The following ZNF441 variants were observed in gnomAD, a reference collection of about 807,000 sequenced individuals.
The protein encoded by ZNF441 is zinc finger protein 441.
ZNF441 carries 25 observed loss-of-function variants against 64.5 expected under a neutral mutation model. That is an observed-to-expected ratio of 0.39 (90% CI 0.28 to 0.54). ZNF441 has a LOEUF of 0.54. ZNF441 is among the 20% of genes least tolerant of loss of function. The probability of loss-of-function intolerance (pLI) is 0.70; values close to 1 mark genes in which losing one functional copy is unlikely to be tolerated. For missense variants in ZNF441, 715 were observed against 843.3 expected (o/e 0.85, Z 1.88); for synonymous variants, 262 against 268.0 (o/e 0.98, Z 0.22).
intron 3 of ZNF441, among the ~76,000 whole-genome samples, chr19:11,779,120 A>G (rs944131592): frequency 2.0e-5 from 3 of 152,160 alleles, no homozygotes; most frequent in Non-Finnish European, 4.4e-5. Context: ...CAGGTGTTCA[A>G]TCAGCCTGGG....
chr19:11,777,802 G>A, intron 2 of ZNF441, 65 bp downstream of exon 2: 1 of 1,554,130 alleles, frequency 6.4e-7, no homozygotes, highest in Non-Finnish European at 8.7e-7. Flanking sequence ...CATCAATGCT[G>A]TTCAATTATT....
In ZNF441 at chr19:11,780,416, T is replaced by C. The variant is rs755948088; in HGVS notation, c.592T>C (p.Cys198Arg). The stretch of plus-strand genomic sequence containing the variant: ...ACACCATGGAGATGGACCTCGTATA[T>C]GTAAGTTGTGTGGAAACGCCTTTAT... ...AAHHGDGPRI[C>R]KLCGNAFIWP... Residue 198 changes from cysteine (C) to arginine (R), a missense_variant, in exon 4 of 4, where the codon TGT becomes CGT. By Grantham distance (180) the Cys-to-Arg change is radical. Transcript: ENST00000357901. 8 of 1,614,098 alleles carry C rather than the reference T, an allele frequency of 5.0e-6. No homozygotes were observed. The East Asian group carries it at 1.1e-4, about 22-fold the overall frequency.
Position 11,767,648 on chromosome 19 carries a change from G to A in ZNF441, c.3+452G>A, listed in dbSNP as rs1225481408. On this transcript the variant is annotated intron_variant, in intron 1 of 3. Coordinates refer to ENST00000357901, the MANE Select transcript of ZNF441 (RefSeq NM_152355.3). This position sits in a 1 kb window ranked among gnomAD's most constrained non-coding sequence, Gnocchi z 5.1. ...GGGGCGTGGGGTCGCTGGATGGTGG[G>A]GAAGTGAGGGGTGACTCTTGGGACT... 1.3e-5 allele frequency among the ~76,000 whole-genome samples: 2 copies of A among 152,210 alleles called. No homozygotes were observed. The highest frequency in any genetic ancestry group is 4.8e-5 in the African/African-American group (2 of 41,458).
At chr19:11,779,344 G>T (rs1008820289) in intron 3 of ZNF441, among the ~76,000 whole-genome samples, 9 of 144,664 alleles carry the variant, frequency 6.2e-5, no homozygotes, top group Admixed American at 2.8e-4. Context: ...AAAAGAAAAA[G>T]AAAAAGAAAG....
intron 1 of ZNF441, among the ~76,000 whole-genome samples, chr19:11,771,873 C>T (rs1659398304): frequency 6.6e-6 from 1 of 152,218 alleles, no homozygotes; most frequent in Non-Finnish European, 1.5e-5. Context: ...TCCTCCACCT[C>T]TTGTGGAGGG....
At position 11,780,407 on chromosome 19, in the gene ZNF441, C is replaced by T. The variant is rs73922692; in HGVS notation, c.583C>T (p.Pro195Ser). ...CATGGCAGCACACCATGGAGATGGA[C>T]CTCGTATATGTAAGTTGTGTGGAAA... Reference protein sequence around the residue: ...RHMAAHHGDGPRICKLCGNAF... With the variant: ...RHMAAHHGDGSRICKLCGNAF... Residue 195 changes from proline to serine, a missense_variant, in exon 4 of 4, where the codon CCT (proline) becomes TCT (serine). This residue lies in a region of ZNF441 where 399 missense variants were observed against 413.9 expected (regional missense o/e 0.96). Coordinates refer to ENST00000357901, the MANE Select transcript of ZNF441 (RefSeq NM_152355.3). The T allele has an allele frequency of 1.4e-3, 2,263 of 1,614,152 alleles. 30 individuals carry two copies. The African/African-American group carries it at 0.027, about 19-fold the overall frequency.
chr19:11,770,336 A>G (rs1975303746), intron 1 of ZNF441, among the ~76,000 whole-genome samples: 1 of 152,130 alleles, frequency 6.6e-6, no homozygotes, highest in South Asian at 2.1e-4. Flanking sequence ...CACCTCCCAC[A>G]GGTCCTTCCC....
intron 1 of ZNF441, among the ~76,000 whole-genome samples, chr19:11,774,181 G>T (rs543933785): frequency 6.6e-6 from 1 of 151,984 alleles, no homozygotes; most frequent in Non-Finnish European, 1.5e-5. Context: ...CGGCTTCAGG[G>T]GTAGTGCTGA....
At chr19:11,771,493 C>A (rs897545008) in intron 1 of ZNF441, among the ~76,000 whole-genome samples, 2 of 152,122 alleles carry the variant, frequency 1.3e-5, no homozygotes, top group African/African-American at 4.8e-5. Context: ...ATAGTTATAC[C>A]AGATATAGAT....
At chr19:11,777,827 G>T (rs117009309) in intron 2 of ZNF441, 90 bp downstream of exon 2, 6 of 1,487,730 alleles carry the variant, frequency 4.0e-6, no homozygotes, top group South Asian at 2.5e-5. Context: ...ATATGGAAGG[G>T]TATATAATTG....
chr19:11,770,605 C>G (rs1035380337), intron 1 of ZNF441, among the ~76,000 whole-genome samples: 11 of 152,064 alleles, frequency 7.2e-5, no homozygotes, highest in African/African-American at 2.7e-4. Flanking sequence ...TGGAGTTTTG[C>G]TTTGTTGTCC....
At position 11,767,020 on chromosome 19, in the gene ZNF441, G is replaced by A. The variant is rs1223860239; in HGVS notation, c.-174G>A. 3.3e-6 allele frequency: 3 copies of A among 904,294 alleles called. No homozygotes were observed. The highest frequency in any genetic ancestry group is 2.8e-5 in the East Asian group (1 of 36,156). The allele number at this position is 904,294 out of a possible 1,614,324, so 56.0% of individuals were successfully genotyped here. On this transcript the variant is annotated 5_prime_UTR_variant, in exon 1 of 4. Transcript: ENST00000357901. This position sits in a 1 kb window ranked among gnomAD's most constrained non-coding sequence, Gnocchi z 5.1. ...GAACTGTCAATCAGGCGCACTGACCGGAGGAGGGTGCAAGGTTCAAAGAGC... is the reference window on the plus strand; with the variant it reads ...GAACTGTCAATCAGGCGCACTGACCAGAGGAGGGTGCAAGGTTCAAAGAGC...
At chr19:11,770,376 T>C (rs1414717847) in intron 1 of ZNF441, among the ~76,000 whole-genome samples, 1 of 152,114 alleles carries the variant, frequency 6.6e-6, no homozygotes, top group African/African-American at 2.4e-5. Context: ...GGGATTACAG[T>C]TGAAGATTAG....
At chr19:11,779,541 C>G (rs1427498081) in intron 3 of ZNF441, among the ~76,000 whole-genome samples, 3 of 151,652 alleles carry the variant, frequency 2.0e-5, no homozygotes, top group Non-Finnish European at 4.4e-5. Flanking sequence ...GTCAGGAGAT[C>G]GAGACCATCC....
intron 1 of ZNF441, among the ~76,000 whole-genome samples, chr19:11,775,480 C>T (rs1975347057): frequency 6.6e-6 from 1 of 152,066 alleles, no homozygotes; most frequent in Non-Finnish European, 1.5e-5. Flanking sequence ...CAGGTGCCCA[C>T]CACCACGCCC....
chr19:11,775,825 G>A (rs539648508), intron 1 of ZNF441, among the ~76,000 whole-genome samples: 133 of 150,816 alleles, frequency 8.8e-4, no homozygotes, highest in African/African-American at 2.9e-3. Flanking sequence ...ACGGGGTTTC[G>A]ACATGTTGAC....
At chr19:11,773,081 G>A (rs1181823953) in intron 1 of ZNF441, among the ~76,000 whole-genome samples, 2 of 152,064 alleles carry the variant, frequency 1.3e-5, no homozygotes, top group African/African-American at 2.4e-5. Flanking sequence ...GTGAGCCACT[G>A]CGCCCGGCCT....
Position 11,780,467 on chromosome 19 carries a change from A to G in ZNF441, c.643A>G (p.Arg215Gly), listed in dbSNP as rs762038376. The change falls in exon 4 of 4, where the codon AGA (arginine) becomes GGA (glycine). Residue 215 changes from arginine to glycine, a missense_variant. Arg to Gly is a moderately radical substitution (Grantham distance 125). Around this residue, in one of 2 missense-constraint regions of ZNF441, gnomAD observed 399 missense variants for 413.9 expected, o/e 0.96. Transcript: ENST00000357901. ...FIWPSLFHMLRRTHTEEKPYE... is the reference protein window; with the variant it reads ...FIWPSLFHMLGRTHTEEKPYE... ...TTGGCCTAGTTTATTTCATATGCTT[A>G]GAAGAACTCACACTGAAGAGAAACC... 2 of 1,614,168 alleles carry G rather than the reference A, an allele frequency of 1.2e-6. No individual in the cohort carries two copies. Among genetic ancestry groups the G allele is most frequent in the East Asian group, 2.2e-5 (1 of 44,880 alleles).
intron 1 of ZNF441, among the ~76,000 whole-genome samples, chr19:11,775,070 A>G (rs1465891538): frequency 6.6e-6 from 1 of 152,232 alleles, no homozygotes; most frequent in Non-Finnish European, 1.5e-5. Context: ...GCTAGCAGCT[A>G]AAAGTAAAAA....
Sources: gnomAD v4.1 joint callset for allele counts (sites outside exome capture counted in the v4.1 genomes callset) on GRCh38, gnomAD v4.1.1 for gene constraint, gnomAD v4.1.1 regional missense constraint, Gnocchi (gnomAD v3.1) non-coding constraint, MANE v1.5 for transcripts, NCBI Gene and HGNC (gene_info 2026-07-23, HGNC 2026-07-21) for gene names.